Variants in CROCC observed in about 807,000 individuals in gnomAD.
The protein encoded by CROCC is rootletin.
Under a neutral mutation model 245.2 loss-of-function variants are expected in CROCC, and 180 were observed. The observed-to-expected ratio is 0.73, with a 90% CI of 0.65 to 0.83. The LOEUF (loss-of-function observed/expected upper bound fraction) is 0.83, where lower values mean the gene tolerates loss of function less well. Ranked by LOEUF, CROCC falls within the 40% of genes least tolerant of loss-of-function variation. CROCC has a pLI of 0.00. For synonymous variants in CROCC, 1,205 were observed against 1,241.6 expected (o/e 0.97, Z 0.62); for missense variants, 2,688 against 2,779.4 (o/e 0.97, Z 0.74).
chr1:16,946,190 C>T (rs891983347), intron 15 of CROCC, 69 bp from the exon 16 acceptor site: 8 of 1,542,962 alleles, frequency 5.2e-6, no homozygotes, highest in Non-Finnish European at 7.0e-6. Context: ...CTCTGGGTCT[C>T]TTCTTGGGCC....
chr1:16,927,450 C>T (rs1248508460), intron 3 of CROCC, among the ~76,000 whole-genome samples: 1 of 152,256 alleles, frequency 6.6e-6, no homozygotes, highest in African/African-American at 2.4e-5. Flanking sequence ...CCAGACCCAC[C>T]CACATGCGGT....
intron 25 of CROCC, among the ~76,000 whole-genome samples, chr1:16,957,128 C>T (rs1570690178): frequency 6.6e-6 from 1 of 152,204 alleles, no homozygotes; most frequent in East Asian, 1.9e-4. Flanking sequence ...GAAAAATTAG[C>T]CAGCTGTGAT....
upstream of CROCC, among the ~76,000 whole-genome samples, chr1:16,917,399 A>G (rs1440223623): frequency 2.0e-5 from 3 of 152,254 alleles, no homozygotes; most frequent in Admixed American, 6.5e-5. Flanking sequence ...GGGTAAGCGG[A>G]TAAGAGCAGC....
chr1:16,923,808 G>A (rs557952985), intron 2 of CROCC, among the ~76,000 whole-genome samples: 22 of 151,236 alleles, frequency 1.5e-4, no homozygotes, highest in African/African-American at 5.3e-4. Context: ...AGCCTCCCAA[G>A]TAGCTGGGAC....
rs2076044109 is a variant in CROCC, at chr1:16,946,285, G to A, written c.2163G>A (p.Glu721=). 1 of 1,613,264 alleles carries A rather than the reference G, an allele frequency of 6.2e-7. No homozygotes were observed. Among genetic ancestry groups the A allele is most frequent in the Admixed American group, 1.7e-5 (1 of 59,962 alleles). Reference sequence around the variant, plus strand: ...CTGAGGCTGGCCGCGTGGAGCTCGAGCTCTCCATGACCAAGCTGAGGGCAG... The same window carrying A: ...CTGAGGCTGGCCGCGTGGAGCTCGAACTCTCCATGACCAAGCTGAGGGCAG... ...TKAEAGRVEL[E]LSMTKLRAEE... is the part of the protein sequence containing the mutation. Residue 721 remains glutamate (E), a synonymous_variant, in exon 16 of 37, where the codon GAG becomes GAA. Transcript: ENST00000375541.
chr1:16,932,341 G>A (rs1348881077), intron 8 of CROCC, among the ~76,000 whole-genome samples: 4 of 152,252 alleles, frequency 2.6e-5, no homozygotes, highest in African/African-American at 9.6e-5. Flanking sequence ...TCGGGAGGCT[G>A]AGGCAGGAGA....
Position 16,938,387 on chromosome 1 carries a change from A to C in CROCC, c.1291-13A>C, listed in dbSNP as rs182885118. 30 of 1,554,416 alleles carry C rather than the reference A, an allele frequency of 1.9e-5. No individual in the cohort carries two copies. The highest frequency in any genetic ancestry group is 1.4e-4 in the Admixed American group (7 of 51,344). On this transcript the variant is annotated splice_polypyrimidine_tract_variant and intron_variant, in intron 10 of 36. Coordinates refer to ENST00000375541, the MANE Select transcript of CROCC (RefSeq NM_014675.5). ...AACCCCAACCACCCTTTGTCTCCCT[A>C]ACCGCACTCCAGGAATCCCTGCGGC...
chr1:16,928,581 A>G (rs2075589827), intron 3 of CROCC, among the ~76,000 whole-genome samples: 1 of 152,008 alleles, frequency 6.6e-6, no homozygotes. Context: ...AGGCGGGTGG[A>G]TTACGAGGTC....
At chr1:16,957,224 TAGTG>T (rs1347400252) in intron 25 of CROCC, among the ~76,000 whole-genome samples, 41 of 152,026 alleles carry the variant, frequency 2.7e-4, no homozygotes, top group Admixed American at 6.5e-5. Flanking sequence ...CCAGGCAACA[TAGTG>T]AGAACCAGTC....
intron 33 of CROCC, 83 bp from the exon 34 acceptor site, chr1:16,970,170 T>C: frequency 1.5e-6 from 2 of 1,375,448 alleles, no homozygotes; most frequent in African/African-American, 1.5e-5. Context: ...GCTCTGTGAG[T>C]GGGCCAGCCT....
Position 16,972,510 on chromosome 1 carries a change from A to C in CROCC, c.*64A>C. On this transcript the variant is annotated 3_prime_UTR_variant, in exon 37 of 37. Coordinates refer to ENST00000375541, the MANE Select transcript of CROCC (RefSeq NM_014675.5). ...ACAGGGGAGGACCCTTCTTTTGGAC[A>C]GCCCCCCCACCCAGAGCCCGGTCCC... 9.5e-7 allele frequency: 1 copy of C among 1,054,148 alleles called. No homozygotes were observed. Among genetic ancestry groups the C allele is most frequent in the Non-Finnish European group, 1.3e-6 (1 of 750,248 alleles). 65.3% of individuals were successfully genotyped at this position (1,054,148 alleles called of 1,614,324 possible).
chr1:16,950,749 AG>A (rs1450198284), intron 19 of CROCC, among the ~76,000 whole-genome samples: 1 of 152,230 alleles, frequency 6.6e-6, no homozygotes, highest in Non-Finnish European at 1.5e-5. Context: ...TAGGCAGGAA[AG>A]GGGTCAGGGC....
Position 16,944,148 on chromosome 1 carries a change from C to T in CROCC, c.1857C>T (p.Ala619=), listed in dbSNP as rs765647734. 2.0e-5 allele frequency: 31 copies of T among 1,559,546 alleles called. No homozygotes were observed. The highest frequency in any genetic ancestry group is 1.7e-4 in the South Asian group (14 of 84,530). ...AHSLQVAQQQ[A]EELRQEREKL... ...GCCTGCAGGTGGCCCAGCAGCAGGC[C>T]GAGGAGCTGCGGCAGGAGCGGGAGA... Residue 619 remains alanine, a synonymous_variant, in exon 14 of 37, where the codon GCC becomes GCT. Coordinates refer to ENST00000375541, the MANE Select transcript of CROCC (RefSeq NM_014675.5).
In CROCC at chr1:16,970,210, T is replaced by C. The variant is rs927967498; in HGVS notation, c.5452-43T>C. On this transcript the variant is annotated intron_variant, in intron 33 of 36. Transcript: ENST00000375541. ...GTCCCCAAGCTTCAGATAAGTATGC[T>C]CAGGCCCAGAGGGATTCGGGGCCTG... 5.4e-6 allele frequency: 8 copies of C among 1,492,228 alleles called. No homozygotes were observed. In the African/African-American group the frequency reaches 9.8e-5, roughly 18 times the overall value. 92.4% of individuals were successfully genotyped at this position (1,492,228 alleles called of 1,614,324 possible).
intron 27 of CROCC, among the ~76,000 whole-genome samples, chr1:16,961,558 C>T (rs12142109): frequency 0.012 from 1,854 of 152,226 alleles, 21 homozygotes; most frequent in South Asian, 0.033. Context: ...GCATGAGCCA[C>T]GGCACCCGGT....
chr1:16,970,612 ATCTCCTGTGGCTCTCC>A lies in CROCC; in HGVS notation c.5653-22_5653-7del. 1 of 1,516,294 alleles carries A rather than the reference ATCTCCTGTGGCTCTCC, an allele frequency of 6.6e-7. No individual in the cohort carries two copies. Among genetic ancestry groups the A allele is most frequent in the African/African-American group, 1.4e-5 (1 of 72,034 alleles). The allele number at this position is 1,516,294 out of a possible 1,614,324, so 93.9% of individuals were successfully genotyped here. The stretch of plus-strand genomic sequence containing the variant: ...TCAGTAAGCTCCTCCTGGCACCCTG[ATCTCCTGTGGCTCTCC>A]TGCCTAGGTGGAGCGGGAGAAGCTT... On this transcript the variant is annotated splice_region_variant and splice_polypyrimidine_tract_variant and intron_variant, in intron 34 of 36. Transcript: ENST00000375541.
intron 17 of CROCC, among the ~76,000 whole-genome samples, chr1:16,947,359 C>T (rs1382677711): frequency 1.3e-5 from 2 of 152,206 alleles, no homozygotes; most frequent in Admixed American, 6.5e-5. Flanking sequence ...GTCCCAGCTA[C>T]TTGGGAGGCT....
At chr1:16,914,325 G>T (rs2075281749) in intron 1 of CROCC, among the ~76,000 whole-genome samples, 1 of 152,212 alleles carries the variant, frequency 6.6e-6, no homozygotes, top group Admixed American at 6.5e-5. Context: ...ATGCCCCGCC[G>T]CGTCCTGCCG....
chr1:16,928,098 CTCCTGTTGGCT>C (rs1415728520), intron 3 of CROCC, among the ~76,000 whole-genome samples: 4 of 152,414 alleles, frequency 2.6e-5, no homozygotes, highest in African/African-American at 9.6e-5. Context: ...AGCAGCTGCC[CTCCTGTTGGCT>C]TCCTGTGGCT....
Sources: gnomAD v4.1 joint callset for allele counts (sites outside exome capture counted in the v4.1 genomes callset) on GRCh38, gnomAD v4.1.1 for gene constraint, MANE v1.5 for transcripts, NCBI Gene and HGNC (gene_info 2026-07-23, HGNC 2026-07-21) for gene names.